The following CEP112 variants were observed in gnomAD, a reference collection of about 807,000 sequenced individuals.
The protein encoded by CEP112 is centrosomal protein of 112 kDa.
CEP112 carries 127 observed loss-of-function variants against 153.0 expected under a neutral mutation model. The ratio of observed to expected loss-of-function variants is 0.83; its 90% CI spans 0.72 to 0.96. CEP112 has a LOEUF of 0.96. Ranked by LOEUF, CEP112 falls within the 40% of genes least tolerant of loss-of-function variation. CEP112 has a pLI of 0.00. For synonymous variants in CEP112, 358 were observed against 374.4 expected, an observed-to-expected ratio of 0.96 and a Z score of 0.51; for missense variants, 1,089 against 1,101.2, an observed-to-expected ratio of 0.99 and a Z score of 0.16.
At chr17:66,148,662 T>C (rs2071028713) in intron 4 of CEP112, among the ~76,000 whole-genome samples, 3 of 152,196 alleles carry the variant, frequency 2.0e-5, no homozygotes, top group African/African-American at 7.2e-5. Flanking sequence ...AGATTGTTCA[T>C]TGTTAGCATA....
intron 21 of CEP112, among the ~76,000 whole-genome samples, chr17:65,815,441 T>A (rs1568056568): frequency 6.6e-6 from 1 of 152,130 alleles, no homozygotes. Flanking sequence ...TGGTTAGTCA[T>A]GAAATCAGGA....
chr17:65,637,739 C>A (rs1024441866), intron 25 of CEP112, among the ~76,000 whole-genome samples: 7 of 152,204 alleles, frequency 4.6e-5, no homozygotes, highest in Admixed American at 1.3e-4. Context: ...CATATCTCTT[C>A]CCTAAACCTG....
At chr17:65,968,377 T>C (rs1047441487) in intron 17 of CEP112, among the ~76,000 whole-genome samples, 4 of 152,182 alleles carry the variant, frequency 2.6e-5, no homozygotes, top group Non-Finnish European at 4.4e-5. Flanking sequence ...CATTCATCAC[T>C]ATGCACAAAT....
At chr17:65,942,890 A>G (rs1434737354) in intron 18 of CEP112, among the ~76,000 whole-genome samples, 1 of 152,252 alleles carries the variant, frequency 6.6e-6, no homozygotes, top group South Asian at 2.1e-4. Context: ...GTAATTTGAC[A>G]TATACAATTC....
At chr17:65,790,134 T>A (rs2054509328) in intron 21 of CEP112, among the ~76,000 whole-genome samples, 1 of 152,186 alleles carries the variant, frequency 6.6e-6, no homozygotes, top group South Asian at 2.1e-4. Context: ...AATTTGAGAA[T>A]GCAGTATGGG....
intron 22 of CEP112, among the ~76,000 whole-genome samples, chr17:65,749,378 G>T (rs1054878703): frequency 5.3e-5 from 8 of 151,904 alleles, no homozygotes; most frequent in African/African-American, 1.7e-4. Flanking sequence ...CGTGGTGGCG[G>T]GCACCTGTAG....
At chr17:66,000,123 C>T (rs1263627565) in intron 17 of CEP112, among the ~76,000 whole-genome samples, 1 of 151,988 alleles carries the variant, frequency 6.6e-6, no homozygotes, top group Non-Finnish European at 1.5e-5. Flanking sequence ...GGTACTTCTG[C>T]TTTTAGGTCT....
chr17:66,182,039 C>G (rs946316591), intron 2 of CEP112: 1 of 152,136 alleles, frequency 6.6e-6, no homozygotes, highest in African/African-American at 2.4e-5. Flanking sequence ...TATCATACTC[C>G]CTTCTCCTAA....
chr17:65,686,305 A>G (rs1273289451), intron 24 of CEP112, among the ~76,000 whole-genome samples: 1 of 152,168 alleles, frequency 6.6e-6, no homozygotes, highest in Non-Finnish European at 1.5e-5. Flanking sequence ...TATTGTCACT[A>G]CAAAGATGAA....
intron 17 of CEP112, among the ~76,000 whole-genome samples, chr17:66,002,816 G>T (rs1427487744): frequency 6.6e-6 from 1 of 152,106 alleles, no homozygotes; most frequent in East Asian, 1.9e-4. Context: ...TTCAATGAAT[G>T]AAAGAAATAA....
rs542655111 is a variant in CEP112 at position 66,065,155 on chromosome 17, C to T, written c.955+1623G>A. On this transcript the variant is annotated intron_variant, in intron 10 of 26. Transcript: ENST00000535342. The stretch of plus-strand genomic sequence containing the variant: ...TAAAAACTTCTTCTTTTCTTCGGTT[C>T]CATTCTAACTACTCCCAGCGCCATC... 1.0e-3 allele frequency among the ~76,000 whole-genome samples: 152 copies of T among 152,154 alleles called. 3 individuals are homozygous for T. The highest frequency in any genetic ancestry group is 6.9e-4 in the Non-Finnish European group (47 of 68,038).
chr17:65,698,434 T>G (rs1461540657), intron 23 of CEP112, among the ~76,000 whole-genome samples: 2 of 152,218 alleles, frequency 1.3e-5, no homozygotes, highest in African/African-American at 4.8e-5. Flanking sequence ...CTAAAGGACT[T>G]CCTTTAAAGG....
At chr17:65,918,886 A>G (rs1303410282) in intron 19 of CEP112, among the ~76,000 whole-genome samples, 1 of 152,152 alleles carries the variant, frequency 6.6e-6, no homozygotes, top group East Asian at 1.9e-4. Context: ...TTTTCACTTC[A>G]TTACAGTTCC....
chr17:65,882,442 A>G (rs1017170039), intron 20 of CEP112, among the ~76,000 whole-genome samples: 2 of 152,212 alleles, frequency 1.3e-5, no homozygotes, highest in Admixed American at 1.3e-4. Context: ...CTCGGAAATC[A>G]TTATTATTTG....
At chr17:65,941,353 C>T (rs1002880579) in intron 18 of CEP112, 2 of 152,038 alleles carry the variant, frequency 1.3e-5, no homozygotes, top group Admixed American at 6.5e-5. Flanking sequence ...ATTTAAAACA[C>T]ATTAAAAGGC....
intron 16 of CEP112, among the ~76,000 whole-genome samples, chr17:66,026,692 T>C (rs2065225869): frequency 6.6e-6 from 1 of 152,186 alleles, no homozygotes; most frequent in South Asian, 2.1e-4. Context: ...TTTTATAAAA[T>C]GGTGTAGTAT....
chr17:65,940,620 G>A (rs1215028143), intron 18 of CEP112, among the ~76,000 whole-genome samples: 1 of 152,168 alleles, frequency 6.6e-6, no homozygotes, highest in Non-Finnish European at 1.5e-5. Flanking sequence ...ATTGTGTTAA[G>A]TTAAATAAGC....
chr17:65,979,371 C>T (rs111688968), intron 17 of CEP112, among the ~76,000 whole-genome samples: 21 of 152,132 alleles, frequency 1.4e-4, no homozygotes, highest in African/African-American at 4.6e-4. Context: ...GAAGCTGGGA[C>T]TACAGGTCCA....
intron 20 of CEP112, among the ~76,000 whole-genome samples, chr17:65,864,853 G>T (rs1007197982): frequency 1.3e-5 from 2 of 151,998 alleles, no homozygotes; most frequent in African/African-American, 4.8e-5. Context: ...GAAAAGGTCA[G>T]AGTGCTACTA....
Sources: gnomAD v4.1 joint callset for allele counts (sites outside exome capture counted in the v4.1 genomes callset) on GRCh38, gnomAD v4.1.1 for gene constraint, MANE v1.5 for transcripts, NCBI Gene and HGNC (gene_info 2026-07-23, HGNC 2026-07-21) for gene names.